The following ARPP21 variants were observed in gnomAD, a reference collection of about 807,000 sequenced individuals.
ARPP21 encodes cAMP-regulated phosphoprotein 21.
A neutral mutation model predicts 113.2 loss-of-function variants in ARPP21; 69 were observed. The ratio of observed to expected loss-of-function variants is 0.61; its 90% CI spans 0.50 to 0.74. The LOEUF (loss-of-function observed/expected upper bound fraction) is 0.74, where lower values mean the gene tolerates loss of function less well. ARPP21 is among the 30% of genes least tolerant of loss of function. ARPP21 has a pLI of 0.00. For missense variants in ARPP21, 1,070 were observed against 1,037.4 expected, an observed-to-expected ratio of 1.03 and a Z score of -0.43; for synonymous variants, 368 against 375.5, an observed-to-expected ratio of 0.98 and a Z score of 0.23.
At chr3:35,702,605 A>G (rs557326197) in intron 9 of ARPP21, among the ~76,000 whole-genome samples, 1 of 151,916 alleles carries the variant, frequency 6.6e-6, no homozygotes, top group African/African-American at 2.4e-5. Flanking sequence ...CTGCTTATAT[A>G]TACAGTACAC....
At chr3:35,647,764 A>T (rs1700801074) in intron 1 of ARPP21, among the ~76,000 whole-genome samples, 1 of 152,144 alleles carries the variant, frequency 6.6e-6, no homozygotes. Flanking sequence ...CAGTTTCTAC[A>T]GTTAAAGTTG....
At position 35,793,914 on chromosome 3, in the gene ARPP21, A is replaced by C; in HGVS notation, c.2500A>C (p.Asn834His). 9.9e-6 allele frequency: 16 copies of C among 1,614,152 alleles called. No homozygotes were observed. Among genetic ancestry groups the C allele is most frequent in the Non-Finnish European group, 1.4e-5 (16 of 1,179,992 alleles). ...AGTGATGTCAGCTAGCTGCAGAACA[A>C]ACTGTGCAAGTATGAGCAATGCTGG... is the stretch of plus-strand genomic sequence containing the variant. The part of the protein sequence containing the change: ...VPVMSASCRT[N>H]CASMSNAGWQ... The change falls in exon 21 of 21, where the codon AAC becomes CAC. Residue 834 changes from asparagine (N) to histidine (H), a missense_variant. Physicochemically the swap from Asn to His is moderately conservative, Grantham distance 68. Transcript: ENST00000684406.
chr3:35,678,872 G>T (rs187280613), intron 1 of ARPP21: 1 of 152,052 alleles, frequency 6.6e-6, no homozygotes, highest in East Asian at 1.9e-4. Flanking sequence ...TGTGCATGCT[G>T]TTGGATTTAG....
At chr3:35,705,669 C>T (rs1336536038) in intron 9 of ARPP21, among the ~76,000 whole-genome samples, 2 of 152,080 alleles carry the variant, frequency 1.3e-5, no homozygotes, top group Admixed American at 1.3e-4. Context: ...TCAAAAGAAG[C>T]ATGGAGGGAT....
chr3:35,677,804 A>G (rs540540447), intron 1 of ARPP21, among the ~76,000 whole-genome samples: 4 of 152,114 alleles, frequency 2.6e-5, no homozygotes, highest in Non-Finnish European at 4.4e-5. Flanking sequence ...TCAAAATGAA[A>G]TGGCAGTGGA....
At chr3:35,680,151 G>GT (rs2078481239) in intron 2 of ARPP21, among the ~76,000 whole-genome samples, 191 bp downstream of exon 2, 1 of 151,826 alleles carries the variant, frequency 6.6e-6, no homozygotes, top group Non-Finnish European at 1.5e-5. Context: ...GTCATGTTCT[G>GT]TTTTTTACTT....
intron 9 of ARPP21, among the ~76,000 whole-genome samples, chr3:35,693,163 A>G (rs978115772): frequency 2.0e-5 from 3 of 151,670 alleles, no homozygotes; most frequent in Non-Finnish European, 4.4e-5. Flanking sequence ...CTACAACAGG[A>G]AGGCCAGGGC....
chr3:35,700,776 A>G (rs1448803561), intron 9 of ARPP21, among the ~76,000 whole-genome samples: 3 of 151,824 alleles, frequency 2.0e-5, no homozygotes, highest in East Asian at 1.9e-4. Flanking sequence ...GATTAACACT[A>G]GATTATTTGT....
At chr3:35,680,235 T>A (rs1203339552) in intron 2 of ARPP21, among the ~76,000 whole-genome samples, 3 of 151,876 alleles carry the variant, frequency 2.0e-5, no homozygotes, top group African/African-American at 7.2e-5. Context: ...TGTTTGCCAG[T>A]GGAAAATGGA....
Position 35,739,549 on chromosome 3 carries a change from G to T in ARPP21, c.1982G>T (p.Gly661Val), listed in dbSNP as rs1406483118. The T allele has an allele frequency of 6.2e-7, 1 of 1,613,560 alleles. No individual in the cohort carries two copies. The highest frequency in any genetic ancestry group is 8.5e-7 in the Non-Finnish European group (1 of 1,179,766). The change falls in exon 18 of 21, where the codon GGA (glycine) becomes GTA (valine). Residue 661 changes from glycine to valine, a missense_variant. Gly to Val is a moderately radical substitution (Grantham distance 109). Coordinates refer to ENST00000684406, the MANE Select transcript of ARPP21 (RefSeq NM_001385562.1). ...QVLQPPPSPQGFVQQPPPAQM... is the reference protein window; with the variant it reads ...QVLQPPPSPQVFVQQPPPAQM... ...CTCCAGCCCCCTCCCTCACCACAGG[G>T]ATTTGTGCAACAGCCTCCGCCTGCA...
intron 1 of ARPP21, among the ~76,000 whole-genome samples, chr3:35,649,123 T>A (rs1381732529): frequency 6.6e-6 from 1 of 152,198 alleles, no homozygotes; most frequent in Non-Finnish European, 1.5e-5. Context: ...AGATATTTAA[T>A]CAAAGTTTGT....
chr3:35,664,428 C>G (rs554267810), intron 1 of ARPP21, among the ~76,000 whole-genome samples: 2 of 152,244 alleles, frequency 1.3e-5, no homozygotes, highest in African/African-American at 4.8e-5. Flanking sequence ...TACCTGTTGA[C>G]CAGACTCTCT....
Position 35,681,765 on chromosome 3 carries a change from G to A in ARPP21, c.14G>A (p.Gly5Glu). 6.2e-7 allele frequency: 1 copy of A among 1,611,010 alleles called. No homozygotes were observed. Among genetic ancestry groups the A allele is most frequent in the Non-Finnish European group, 8.5e-7 (1 of 1,178,102 alleles). The change falls in exon 3 of 21, where the codon GGA (glycine) becomes GAA (glutamate). Residue 5 changes from glycine (G) to glutamate (E), a missense_variant. Gly to Glu is a moderately conservative substitution (Grantham distance 98). Transcript: ENST00000684406. The stretch of plus-strand genomic sequence containing the variant: ...GCATCTGGGAGAATGTCTGAGCAAG[G>A]AGACCTGAATCAGGCAATAGCAGAG... The part of the protein sequence containing the change: MSEQ[G>E]DLNQAIAEEG...
chr3:35,734,929 T>A (rs1333767226), intron 15 of ARPP21, among the ~76,000 whole-genome samples: 3 of 152,234 alleles, frequency 2.0e-5, no homozygotes, highest in African/African-American at 7.2e-5. Flanking sequence ...GTATATCTAG[T>A]CTTCCTATCA....
Position 35,720,973 on chromosome 3 carries a change from AG to A in ARPP21, c.996-629del, listed in dbSNP as rs2093005725. 2.6e-5 allele frequency among the ~76,000 whole-genome samples: 4 copies of A among 152,346 alleles called. 1 individual carries two copies. The South Asian group carries it at 8.3e-4, about 32-fold the overall frequency. ...AGTTTTTCTACGTGAAAATAATTAA[AG>A]GGTTCTTTCCTCTGACCATGAAGGT... On this transcript the variant is annotated intron_variant, in intron 13 of 20. Coordinates refer to ENST00000684406, the MANE Select transcript of ARPP21 (RefSeq NM_001385562.1).
chr3:35,678,267 CAA>C (rs776973434), intron 1 of ARPP21, among the ~76,000 whole-genome samples: 2 of 151,852 alleles, frequency 1.3e-5, no homozygotes, highest in Non-Finnish European at 2.9e-5. Context: ...AAAGAGAAAT[CAA>C]AAGAGTTTCT....
intron 15 of ARPP21, among the ~76,000 whole-genome samples, chr3:35,729,894 A>G (rs997885930): frequency 3.3e-5 from 5 of 152,308 alleles, no homozygotes; most frequent in African/African-American, 9.6e-5. Context: ...GTGTTTGTCA[A>G]TCTAAATCCC....
At chr3:35,712,494 T>A (rs1274160357) in intron 11 of ARPP21, among the ~76,000 whole-genome samples, 2 of 151,698 alleles carry the variant, frequency 1.3e-5, no homozygotes, top group African/African-American at 2.4e-5. Flanking sequence ...TTTCCAAATA[T>A]ATCTTGGTGT....
At chr3:35,658,373 T>G (rs920044836) in intron 1 of ARPP21, among the ~76,000 whole-genome samples, 2 of 152,094 alleles carry the variant, frequency 1.3e-5, no homozygotes, top group African/African-American at 4.8e-5. Context: ...ATGTGTAAAG[T>G]GTTCTTTTTG....
Sources: allele counts gnomAD v4.1 joint callset (sites outside exome capture counted in the v4.1 genomes callset), GRCh38; gene constraint gnomAD v4.1.1; transcripts MANE v1.5; gene names NCBI Gene and HGNC (gene_info 2026-07-23, HGNC 2026-07-21).